The following ZNF695 variants were observed in gnomAD, a reference collection of about 807,000 sequenced individuals.
The protein encoded by ZNF695 is zinc finger protein 695, also known as zinc finger protein SBZF3.
In ZNF695, 11 loss-of-function variants were observed where a neutral mutation model predicts 11.2. That is an observed-to-expected ratio of 0.98 (90% CI 0.62 to 1.62). ZNF695 has a LOEUF of 1.62. Ranked by LOEUF, ZNF695 falls within the 40% of genes most tolerant of loss-of-function variation. The probability of loss-of-function intolerance (pLI) is 0.00; values close to 1 mark genes in which losing one functional copy is unlikely to be tolerated. For missense variants in ZNF695, 559 were observed against 590.5 expected (o/e 0.95, Z 0.55); for synonymous variants, 190 against 201.4 (o/e 0.94, Z 0.48).
At chr1:246,945,641 C>A, downstream of ZNF695, 1 of 699,250 alleles carries the variant, frequency 1.4e-6, no homozygotes, top group African/African-American at 1.8e-5. Context: ...CATGGAAGAA[C>A]AATCTTCCTT....
chr1:246,955,893 C>T (rs1248518917), intron 5 of ZNF695, among the ~76,000 whole-genome samples: 1 of 152,074 alleles, frequency 6.6e-6, no homozygotes, highest in African/African-American at 2.4e-5. Context: ...CATCACTAAC[C>T]CCTTACTTGA....
intron 4 of ZNF695, among the ~76,000 whole-genome samples, chr1:246,978,225 C>T (rs529357644): frequency 6.6e-6 from 1 of 152,290 alleles, no homozygotes; most frequent in South Asian, 2.1e-4. Context: ...CCCTCAAATT[C>T]AGAATACATT....
At chr1:246,972,972 T>A (rs1258967587) in intron 4 of ZNF695, among the ~76,000 whole-genome samples, 1 of 149,408 alleles carries the variant, frequency 6.7e-6, no homozygotes, top group Non-Finnish European at 1.5e-5. Flanking sequence ...TCTTACATAT[T>A]TCTGAAAATA....
intron 4 of ZNF695, among the ~76,000 whole-genome samples, chr1:246,972,953 T>TATATA (rs1668466370): frequency 7.0e-6 from 1 of 143,336 alleles, no homozygotes; most frequent in Non-Finnish European, 1.6e-5. Flanking sequence ...ATATATATAC[T>TATATA]ATATAAATTC....
rs753071311 is a variant in ZNF695 at position 246,999,336 on chromosome 1, A to G, written c.259+12T>C. 75 of 1,604,918 alleles carry G rather than the reference A, an allele frequency of 4.7e-5. 1 individual carries two copies. Among genetic ancestry groups the G allele is most frequent in the Non-Finnish European group, 4.8e-5 (56 of 1,172,128 alleles). ...ACCCCTACCTGTGTTCGCTTCATTC[A>G]CTCCCACCTACCTGAGTGTCTGGCT... On this transcript the variant is annotated intron_variant, in intron 3 of 3. Transcript: ENST00000339986.
chr1:246,979,649 A>G (rs998748514), intron 4 of ZNF695, among the ~76,000 whole-genome samples: 2 of 152,184 alleles, frequency 1.3e-5, no homozygotes, highest in Admixed American at 1.3e-4. Context: ...AAATCTAACC[A>G]TATTTCTTAA....
intron 5 of ZNF695, among the ~76,000 whole-genome samples, chr1:246,946,091 C>A (rs1002793329): frequency 1.3e-5 from 2 of 152,076 alleles, no homozygotes; most frequent in African/African-American, 4.8e-5. Flanking sequence ...TTTTTTAGCT[C>A]ATTGTCTTTC....
intron 4 of ZNF695, among the ~76,000 whole-genome samples, chr1:246,972,031 C>T (rs765268117): frequency 2.6e-5 from 4 of 152,310 alleles, no homozygotes; most frequent in African/African-American, 4.8e-5. Flanking sequence ...TTCCCTCCCC[C>T]GGCTCAGACA....
In ZNF695 at chr1:246,969,936, C is replaced by A. The variant is rs78641658; in HGVS notation, c.391-2144G>T. ...CATGATCCAATCACCTCCCACTAGG[C>A]CCCTCCTCCAACATTGGGGATTACA... On this transcript the variant is annotated intron_variant, in intron 4 of 5. Transcript: ENST00000487338. Among the ~76,000 whole-genome samples, 1,411 of 152,232 alleles carry A rather than the reference C, an allele frequency of 9.3e-3. 25 individuals carry two copies. The highest frequency in any genetic ancestry group is 0.032 in the African/African-American group (1,334 of 41,522).
chr1:246,954,433 T>A (rs1338269345), intron 5 of ZNF695, among the ~76,000 whole-genome samples: 1 of 152,180 alleles, frequency 6.6e-6, no homozygotes, highest in Non-Finnish European at 1.5e-5. Flanking sequence ...TCCACCAACC[T>A]TCCAGTGGCC....
intron 3 of ZNF695, 85 bp from the exon 4 acceptor site, chr1:246,988,340 T>G: frequency 1.0e-6 from 1 of 992,806 alleles, no homozygotes; most frequent in African/African-American, 1.6e-5. Context: ...ACAAGCATAT[T>G]AGCAAGATAG....
intron 4 of ZNF695, among the ~76,000 whole-genome samples, chr1:246,971,967 C>T (rs560493246): frequency 1.3e-5 from 2 of 152,256 alleles, no homozygotes; most frequent in East Asian, 3.9e-4. Context: ...AACTCCTGAT[C>T]TCAGGTGATC....
intron 5 of ZNF695, among the ~76,000 whole-genome samples, chr1:246,963,014 G>A (rs1290610306): frequency 1.3e-5 from 2 of 152,178 alleles, no homozygotes; most frequent in Non-Finnish European, 2.9e-5. Context: ...CCTTTAGGCT[G>A]AAGTCCAAAC....
At chr1:246,981,656 C>A (rs143204055), downstream of ZNF695, among the ~76,000 whole-genome samples, 13 of 152,234 alleles carry the variant, frequency 8.5e-5, no homozygotes, top group Non-Finnish European at 1.6e-4. Flanking sequence ...TATTTTAGAA[C>A]TTTTACTTTA....
At chr1:246,971,164 G>A (rs369861238) in intron 4 of ZNF695, among the ~76,000 whole-genome samples, 5 of 152,176 alleles carry the variant, frequency 3.3e-5, no homozygotes, top group South Asian at 2.1e-4. Flanking sequence ...AAGGTCACAC[G>A]AGTCACCTGT....
chr1:246,973,280 C>G (rs1668476270), intron 4 of ZNF695, among the ~76,000 whole-genome samples: 1 of 152,056 alleles, frequency 6.6e-6, no homozygotes, highest in Admixed American at 6.6e-5. Flanking sequence ...AACTCCCGAC[C>G]TCAGGTGATC....
intron 5 of ZNF695, among the ~76,000 whole-genome samples, chr1:246,964,406 T>A: frequency 6.6e-6 from 1 of 152,066 alleles, no homozygotes; most frequent in East Asian, 1.9e-4. Context: ...TTCCAAGTGA[T>A]CAGGATCTCT....
Position 246,986,301 on chromosome 1 carries a change from C to G in ZNF695, c.*666G>C, listed in dbSNP as rs1228600665. On this transcript the variant is annotated 3_prime_UTR_variant, in exon 4 of 4. Transcript: ENST00000339986. ...CAGCCTGGTCCCAAACTCCTGGGCT[C>G]AAGCAATCCCCCGACCTCGGCATCC... 1 of 903,306 alleles carries G rather than the reference C, an allele frequency of 1.1e-6. No individual in the cohort carries two copies. Among genetic ancestry groups the G allele is most frequent in the Non-Finnish European group, 1.3e-6 (1 of 755,350 alleles). 56.0% of individuals were successfully genotyped at this position (903,306 alleles called of 1,614,324 possible).
intron 3 of ZNF695, among the ~76,000 whole-genome samples, chr1:246,988,866 G>C (rs575853642): frequency 2.0e-4 from 31 of 151,984 alleles, no homozygotes; most frequent in Non-Finnish European, 3.4e-4. Flanking sequence ...CGAGACGGGC[G>C]GATCACGAGG....
Sources: gnomAD v4.1 joint callset for allele counts (sites outside exome capture counted in the v4.1 genomes callset) on GRCh38, gnomAD v4.1.1 for gene constraint, MANE v1.5 for transcripts, NCBI Gene and HGNC (gene_info 2026-07-23, HGNC 2026-07-21) for gene names.